The following JAK1 variants were observed in gnomAD, a reference collection of about 807,000 sequenced individuals.
JAK1 encodes tyrosine-protein kinase JAK1.
JAK1 carries 16 observed loss-of-function variants against 136.6 expected under a neutral mutation model. The observed-to-expected ratio is 0.12, with a 90% confidence interval of 0.08 to 0.18. The LOEUF (loss-of-function observed/expected upper bound fraction) is 0.18. Among genes scored for constraint, JAK1 ranks in the 10% least tolerant of loss-of-function variants. The pLI, the probability that JAK1 is intolerant of heterozygous loss-of-function variation, is 1.00. For missense variants in JAK1, 859 were observed against 1,450.1 expected, an observed-to-expected ratio of 0.59 and a Z score of 6.62; for synonymous variants, 492 against 519.5, an observed-to-expected ratio of 0.95 and a Z score of 0.72.
chr1:64,850,046 C>T (rs887982320), intron 12 of JAK1, among the ~76,000 whole-genome samples: 4 of 152,214 alleles, frequency 2.6e-5, no homozygotes, highest in South Asian at 2.1e-4. Context: ...AGGCAGCTTC[C>T]GCCTCACCCT....
chr1:64,912,366 T>A (rs915962356), intron 1 of JAK1, among the ~76,000 whole-genome samples: 2 of 152,214 alleles, frequency 1.3e-5, no homozygotes, highest in African/African-American at 4.8e-5. Context: ...TTCTTCTTAC[T>A]GATTTTCTTT....
chr1:65,038,657 G>A (rs1306395847), intron 2 of JAK1, among the ~76,000 whole-genome samples: 3 of 151,522 alleles, frequency 2.0e-5, no homozygotes, highest in East Asian at 2.0e-4. Flanking sequence ...TGTTTGTTTT[G>A]AGACAAGGTC....
intron 3 of JAK1, among the ~76,000 whole-genome samples, chr1:64,879,474 T>C (rs1490077909): frequency 6.6e-6 from 1 of 152,192 alleles, no homozygotes; most frequent in Non-Finnish European, 1.5e-5. Flanking sequence ...AAAAAACCCC[T>C]ATCTGAGAGG....
chr1:64,881,910 A>C (rs1644778835), intron 3 of JAK1, among the ~76,000 whole-genome samples: 1 of 152,188 alleles, frequency 6.6e-6, no homozygotes, highest in Non-Finnish European at 1.5e-5. Context: ...ATATAAACCA[A>C]ATCTCAAGGG....
At chr1:65,036,545 A>G (rs1205198669) in intron 2 of JAK1, among the ~76,000 whole-genome samples, 3 of 152,180 alleles carry the variant, frequency 2.0e-5, no homozygotes, top group South Asian at 2.1e-4. Flanking sequence ...TCCAATTTCT[A>G]TGTGTCTTGC....
rs1654271521 is a variant in JAK1 at position 64,833,588 on chromosome 1, C to A, written c.*974G>T. The A allele has an allele frequency of 4.3e-6, 1 of 232,834 alleles. No homozygotes were observed. Among genetic ancestry groups the A allele is most frequent in the Non-Finnish European group, 8.5e-6 (1 of 117,862 alleles). The allele number at this position is 232,834 out of a possible 1,614,324, so 14.4% of individuals were successfully genotyped here. A position where few individuals can be genotyped will look rare whatever the true frequency, so the allele number is the denominator to read the frequency against. On this transcript the variant is annotated 3_prime_UTR_variant, in exon 25 of 25. Coordinates refer to ENST00000342505, the MANE Select transcript of JAK1 (RefSeq NM_002227.4). Reference sequence around the variant, plus strand: ...TAGCCGGGTCTTTCAAGTGTTGCACCACAGGGTGATGATTGATGGTAAAAA... The same window carrying A: ...TAGCCGGGTCTTTCAAGTGTTGCACAACAGGGTGATGATTGATGGTAAAAA...
exon 1 of JAK1, chr1:65,067,644 T>A (rs917695970): frequency 4.0e-5 from 6 of 149,912 alleles, no homozygotes; most frequent in Non-Finnish European, 5.9e-5. Flanking sequence ...CCTTTGTTCT[T>A]CCCGCTATTT....
At chr1:64,872,998 A>T (rs971384101) in intron 5 of JAK1, among the ~76,000 whole-genome samples, 1 of 152,038 alleles carries the variant, frequency 6.6e-6, no homozygotes, top group Non-Finnish European at 1.5e-5. Context: ...AGACATTACT[A>T]CGGCTGCTGA....
At chr1:65,035,485 A>C (rs1300970450) in intron 2 of JAK1, among the ~76,000 whole-genome samples, 1 of 152,226 alleles carries the variant, frequency 6.6e-6, no homozygotes, top group Non-Finnish European at 1.5e-5. Flanking sequence ...CTGACTCTAG[A>C]AGTAAACTGG....
rs28448426 is a variant in JAK1 at position 64,902,587 on chromosome 1, T to A, written c.-77-16246A>T. 2.2e-3 allele frequency among the ~76,000 whole-genome samples: 99 copies of A among 44,456 alleles called. 1 individual carries two copies. Among genetic ancestry groups the A allele is most frequent in the African/African-American group, 4.8e-3 (58 of 12,100 alleles). The allele number at this position is 44,456 out of a possible 152,430, so 29.2% of individuals were successfully genotyped here. A position where few individuals can be genotyped will look rare whatever the true frequency, so the allele number is the denominator to read the frequency against. ...GAGAGAGAGAGAGAGAGAGAGAGTG[T>A]GTGTGTGTGTGTGTGTGTGTGTGTT... On this transcript the variant is annotated intron_variant, in intron 1 of 24. Transcript: ENST00000342505.
chr1:64,996,260 C>A (rs1423237503), intron 2 of JAK1, among the ~76,000 whole-genome samples: 1 of 152,174 alleles, frequency 6.6e-6, no homozygotes, highest in Non-Finnish European at 1.5e-5. Context: ...ATCATGCCCA[C>A]CCTAGTTAAG....
chr1:64,892,436 A>G (rs1644952641), intron 1 of JAK1, among the ~76,000 whole-genome samples: 1 of 152,072 alleles, frequency 6.6e-6, no homozygotes, highest in Non-Finnish European at 1.5e-5. Flanking sequence ...GCACACTACC[A>G]CATTCAGTTA....
intron 2 of JAK1, among the ~76,000 whole-genome samples, chr1:64,973,474 C>T (rs1646471618): frequency 6.6e-6 from 1 of 151,786 alleles, no homozygotes; most frequent in Admixed American, 6.6e-5. Flanking sequence ...ATATTTTACA[C>T]ATTCAGTATT....
chr1:64,985,984 T>A, intron 2 of JAK1: 1 of 1,271,932 alleles, frequency 7.9e-7, no homozygotes, highest in Non-Finnish European at 1.1e-6. Flanking sequence ...TCCCTTATGA[T>A]CATCTCAGGA....
At chr1:65,003,013 CT>C (rs11410336) in intron 2 of JAK1, among the ~76,000 whole-genome samples, 17,555 of 119,764 alleles carry the variant, frequency 0.15, 1,338 homozygotes, top group Admixed American at 0.28. Context: ...GACAACCTAG[CT>C]TTTTTTTTTT....
chr1:65,033,111 G>T (rs1299827378), intron 2 of JAK1, among the ~76,000 whole-genome samples: 1 of 152,148 alleles, frequency 6.6e-6, no homozygotes, highest in Admixed American at 6.5e-5. Context: ...AAGCCATCTG[G>T]TTAACACAAG....
intron 4 of JAK1, among the ~76,000 whole-genome samples, chr1:64,875,579 T>C (rs1166936173): frequency 1.3e-5 from 2 of 152,214 alleles, no homozygotes; most frequent in Admixed American, 1.3e-4. Flanking sequence ...ACAAAGAAGT[T>C]ACTTTAAAGG....
At chr1:65,001,703 A>C (rs1646759327) in intron 2 of JAK1, among the ~76,000 whole-genome samples, 1 of 149,858 alleles carries the variant, frequency 6.7e-6, no homozygotes. Flanking sequence ...GTGTGCCTGA[A>C]AGGCAGCAAG....
chr1:64,949,091 G>A (rs1646037453), intron 1 of JAK1, among the ~76,000 whole-genome samples: 1 of 152,198 alleles, frequency 6.6e-6, no homozygotes, highest in African/African-American at 2.4e-5. Context: ...ACCATGCTAA[G>A]GAGTTTGGAT....
Sources: allele counts gnomAD v4.1 joint callset (sites outside exome capture counted in the v4.1 genomes callset), GRCh38; gene constraint gnomAD v4.1.1; transcripts MANE v1.5; gene names NCBI Gene and HGNC (gene_info 2026-07-23, HGNC 2026-07-21).